Variants in ANK2 observed in about 807,000 individuals in gnomAD.
The protein encoded by ANK2 is ankyrin 2, also known as ankyrin-2.
In ANK2, 83 loss-of-function variants were observed where a neutral mutation model predicts 360.5. The ratio of observed to expected loss-of-function variants is 0.23; its 90% CI spans 0.19 to 0.28. ANK2 has a LOEUF of 0.28. ANK2 is among the 10% of genes least tolerant of loss of function. The pLI, the probability that ANK2 is intolerant of heterozygous loss-of-function variation, is 1.00. For missense variants in ANK2, 4,201 were observed against 4,795.7 expected (o/e 0.88, Z 3.66); for synonymous variants, 1,740 against 1,759.5 (o/e 0.99, Z 0.28).
At chr4:112,926,441 G>C (rs2092565868) in intron 2 of ANK2, among the ~76,000 whole-genome samples, 1 of 152,140 alleles carries the variant, frequency 6.6e-6, no homozygotes, top group Non-Finnish European at 1.5e-5. Flanking sequence ...AGGAATATGA[G>C]GGCAAAGAAC....
At chr4:112,765,726 A>T in the ANK2 span, among the ~76,000 whole-genome samples, 5 of 150,890 alleles carry the variant, frequency 3.3e-5, no homozygotes, top group East Asian at 9.8e-4. Context: ...GAGAGCTCTA[A>T]AATTCCTAAC....
At chr4:112,718,887 T>C in the ANK2 span, among the ~76,000 whole-genome samples, 34 of 152,300 alleles carry the variant, frequency 2.2e-4, no homozygotes, top group Middle Eastern at 6.8e-3. Flanking sequence ...TCTGCCCACC[T>C]CGGCCTCCCA....
At chr4:113,209,443 T>A (rs2098995202) in intron 4 of ANK2, among the ~76,000 whole-genome samples, 1 of 151,960 alleles carries the variant, frequency 6.6e-6, no homozygotes, top group Non-Finnish European at 1.5e-5. Flanking sequence ...TACTTCTTTT[T>A]GTAGGCCCTC....
chr4:113,288,922 C>T (rs2066137603), intron 20 of ANK2, among the ~76,000 whole-genome samples: 2 of 152,098 alleles, frequency 1.3e-5, no homozygotes, highest in Non-Finnish European at 2.9e-5. Context: ...ATCACATGGA[C>T]ATGCTCAGTG....
At chr4:112,779,856 C>A in the ANK2 span, among the ~76,000 whole-genome samples, 1 of 152,158 alleles carries the variant, frequency 6.6e-6, no homozygotes, top group Non-Finnish European at 1.5e-5. Flanking sequence ...TGCAGGGCAT[C>A]ATTATTTCCT....
At chr4:113,088,305 T>C (rs890652832) in intron 1 of ANK2, among the ~76,000 whole-genome samples, 13 of 152,192 alleles carry the variant, frequency 8.5e-5, no homozygotes, top group Non-Finnish European at 1.6e-4. Context: ...GTCCTTTTGT[T>C]AGTGACTGGC....
At chr4:113,213,101 A>G (rs962187590) in intron 4 of ANK2, among the ~76,000 whole-genome samples, 2 of 152,242 alleles carry the variant, frequency 1.3e-5, no homozygotes, top group Non-Finnish European at 2.9e-5. Flanking sequence ...CTCATCTTAG[A>G]TAGTCTGGAT....
the ANK2 span, among the ~76,000 whole-genome samples, chr4:112,754,111 GTATA>G: frequency 0.049 from 5,435 of 111,228 alleles, 313 homozygotes; most frequent in African/African-American, 0.13. Flanking sequence ...AAAAAAAAAA[GTATA>G]TATATATATA....
At chr4:112,731,785 T>C in the ANK2 span, among the ~76,000 whole-genome samples, 1 of 151,898 alleles carries the variant, frequency 6.6e-6, no homozygotes, top group Non-Finnish European at 1.5e-5. Flanking sequence ...TTTGTATGCA[T>C]GTAATACTCA....
At chr4:113,238,037 T>TTTTTTTTTCTGTATGCTC (rs1404128208) in intron 7 of ANK2, among the ~76,000 whole-genome samples, 1 of 151,182 alleles carries the variant, frequency 6.6e-6, no homozygotes, top group East Asian at 1.9e-4. Context: ...GCTGTTGCCC[T>TTTTTTTTTCTGTATGCTC]TTTTTTTTCT....
chr4:112,836,782 C>G (rs1839110), intron 1 of ANK2, among the ~76,000 whole-genome samples: 110,834 of 152,126 alleles, frequency 0.73, 41,287 homozygotes, highest in East Asian at 0.97. Flanking sequence ...AAGCAGCAAA[C>G]CATTCAAGAG....
intron 1 of ANK2, among the ~76,000 whole-genome samples, chr4:112,872,357 GAC>G (rs1357511340): frequency 6.7e-6 from 1 of 149,428 alleles, no homozygotes; most frequent in Non-Finnish European, 1.5e-5. Flanking sequence ...TTTTTTTTGA[GAC>G]AGAGTTTTGC....
At chr4:113,068,685 A>G (rs1487270518) in intron 1 of ANK2, among the ~76,000 whole-genome samples, 2 of 152,202 alleles carry the variant, frequency 1.3e-5, no homozygotes, top group Non-Finnish European at 2.9e-5. Context: ...ACTGTAGACA[A>G]TAAAGATAAT....
At chr4:112,834,704 T>C (rs574969690) in intron 1 of ANK2, among the ~76,000 whole-genome samples, 1 of 152,228 alleles carries the variant, frequency 6.6e-6, no homozygotes, top group Non-Finnish European at 1.5e-5. Context: ...CATTTTCCAA[T>C]TGCTCTGATT....
intron 2 of ANK2, among the ~76,000 whole-genome samples, chr4:112,991,123 T>G (rs1048414260): frequency 1.3e-5 from 2 of 151,622 alleles, no homozygotes; most frequent in Non-Finnish European, 2.9e-5. Flanking sequence ...TGGTGATGCA[T>G]GCCTGTAGTC....
the ANK2 span, among the ~76,000 whole-genome samples, chr4:112,714,471 C>G: frequency 6.6e-6 from 1 of 152,222 alleles, no homozygotes; most frequent in African/African-American, 2.4e-5. Flanking sequence ...GCGTGAGCCA[C>G]CGCACCCAGC....
chr4:113,134,191 G>C (rs1305429915), intron 1 of ANK2, among the ~76,000 whole-genome samples: 1 of 151,658 alleles, frequency 6.6e-6, no homozygotes, highest in African/African-American at 2.4e-5. Flanking sequence ...GGTGAGGTAG[G>C]TTCTGGCCCA....
chr4:112,997,770 T>C (rs1336785349), intron 2 of ANK2, among the ~76,000 whole-genome samples: 1 of 151,876 alleles, frequency 6.6e-6, no homozygotes, highest in East Asian at 1.9e-4. Context: ...CACACATATA[T>C]ACACATGTAT....
rs2094204244 is a variant in ANK2 at position 112,941,490 on chromosome 4, G to A, written c.21+36976G>A. Reference sequence around the variant, plus strand: ...CTTTATATATAGATATATAAATAAAGGTATGTAAATATATACTAAATATAT... The same window carrying A: ...CTTTATATATAGATATATAAATAAAAGTATGTAAATATATACTAAATATAT... On this transcript the variant is annotated intron_variant, in intron 2 of 30. Transcript: ENST00000503271. 4.3e-5 allele frequency among the ~76,000 whole-genome samples: 6 copies of A among 140,114 alleles called. No homozygotes were observed. The Admixed American group carries it at 4.4e-4, about 10-fold the overall frequency. The allele number at this position is 140,114 out of a possible 152,430, so 91.9% of individuals were successfully genotyped here. A position where few individuals can be genotyped will look rare whatever the true frequency, so the allele number is the denominator to read the frequency against.
Sources: allele counts gnomAD v4.1 joint callset (sites outside exome capture counted in the v4.1 genomes callset), GRCh38; gene constraint gnomAD v4.1.1; transcripts MANE v1.5; gene names NCBI Gene and HGNC (gene_info 2026-07-23, HGNC 2026-07-21).